RCAN1: variants seen among roughly 807,000 people sequenced by gnomAD.
RCAN1 encodes regulator of calcineurin 1.
Under a neutral mutation model 22.9 loss-of-function variants are expected in RCAN1, and 11 were observed. That is an observed-to-expected ratio of 0.48 (90% CI 0.30 to 0.79). The LOEUF is 0.79. Ranked by LOEUF, RCAN1 falls within the 30% of genes least tolerant of loss-of-function variation. RCAN1 has a pLI of 0.06. For missense variants in RCAN1, 291 were observed against 337.8 expected, an observed-to-expected ratio of 0.86 and a Z score of 1.09; for synonymous variants, 136 against 142.3, an observed-to-expected ratio of 0.96 and a Z score of 0.32.
chr21:34,521,199 C>T (rs1984496346), intron 3 of RCAN1: 8 of 1,377,070 alleles, frequency 5.8e-6, no homozygotes, highest in Non-Finnish European at 7.5e-6. Flanking sequence ...GGGCTCAGGC[C>T]TCCCACGCAG....
chr21:34,529,267 C>G (rs951021453), intron 1 of RCAN1, among the ~76,000 whole-genome samples: 5 of 152,152 alleles, frequency 3.3e-5, no homozygotes, highest in Non-Finnish European at 7.4e-5. Flanking sequence ...TAGGATCTGC[C>G]ACCTTGGTTT....
intron 1 of RCAN1, among the ~76,000 whole-genome samples, chr21:34,600,663 T>C (rs956625742): frequency 6.6e-6 from 1 of 152,212 alleles, no homozygotes; most frequent in African/African-American, 2.4e-5. Context: ...ATTTTTATGC[T>C]TTATAGTTCA....
intron 1 of RCAN1, among the ~76,000 whole-genome samples, chr21:34,556,035 C>T (rs1407550190): frequency 7.0e-6 from 1 of 141,888 alleles, no homozygotes; most frequent in Non-Finnish European, 1.5e-5. Flanking sequence ...TGCGCTCTAA[C>T]CTGGGCAACA....
chr21:34,602,367 G>A (rs567770018), intron 1 of RCAN1, among the ~76,000 whole-genome samples: 49 of 152,224 alleles, frequency 3.2e-4, no homozygotes, highest in South Asian at 2.3e-3. Flanking sequence ...CTCTATACCC[G>A]CACCCCATTT....
chr21:34,564,401 C>T (rs1439316599), intron 1 of RCAN1, among the ~76,000 whole-genome samples: 4 of 152,118 alleles, frequency 2.6e-5, no homozygotes. Flanking sequence ...CGGACACTGT[C>T]CCATAAGAAC....
chr21:34,553,441 T>C (rs189082382), intron 1 of RCAN1, among the ~76,000 whole-genome samples: 1 of 152,358 alleles, frequency 6.6e-6, no homozygotes, highest in Admixed American at 6.5e-5. Context: ...CACTTCCTGA[T>C]AGCACACAGC....
chr21:34,543,526 C>T (rs1986007699), intron 1 of RCAN1, among the ~76,000 whole-genome samples: 1 of 152,188 alleles, frequency 6.6e-6, no homozygotes, highest in Non-Finnish European at 1.5e-5. Flanking sequence ...ATCTCCAGAA[C>T]TGTACAGTCA....
intron 1 of RCAN1, among the ~76,000 whole-genome samples, chr21:34,576,726 C>T (rs914674638): frequency 3.3e-5 from 5 of 152,150 alleles, no homozygotes; most frequent in Non-Finnish European, 5.9e-5. Context: ...CTCTAATCAC[C>T]GCTCAGCAAG....
intron 1 of RCAN1, among the ~76,000 whole-genome samples, chr21:34,547,634 C>T (rs190406432): frequency 4.3e-4 from 65 of 152,266 alleles, no homozygotes; most frequent in Non-Finnish European, 5.0e-4. Flanking sequence ...GAGGAGGCCA[C>T]GAGGGCAGAG....
intron 1 of RCAN1, among the ~76,000 whole-genome samples, chr21:34,581,124 T>C (rs1331492596): frequency 6.6e-6 from 1 of 152,088 alleles, no homozygotes; most frequent in African/African-American, 2.4e-5. Context: ...CCACTGAAAA[T>C]GCCTTCTAGA....
At chr21:34,548,385 A>G (rs1212564005) in intron 1 of RCAN1, among the ~76,000 whole-genome samples, 4 of 152,192 alleles carry the variant, frequency 2.6e-5, no homozygotes, top group African/African-American at 4.8e-5. Context: ...TTGGCATATC[A>G]ATAATCAAAT....
intron 1 of RCAN1, among the ~76,000 whole-genome samples, chr21:34,589,086 T>C (rs1217509827): frequency 3.3e-5 from 5 of 152,228 alleles, no homozygotes; most frequent in Non-Finnish European, 2.9e-5. Flanking sequence ...GGAGATGTGC[T>C]ACACAACAAT....
intron 1 of RCAN1, among the ~76,000 whole-genome samples, chr21:34,552,026 G>A (rs927125111): frequency 5.9e-5 from 9 of 152,158 alleles, no homozygotes; most frequent in Non-Finnish European, 1.3e-4. Flanking sequence ...TAGGACTCAC[G>A]TGATGTCTCT....
chr21:34,577,811 C>A (rs187098512), intron 1 of RCAN1, among the ~76,000 whole-genome samples: 1 of 152,146 alleles, frequency 6.6e-6, no homozygotes, highest in East Asian at 1.9e-4. Context: ...ATCTATAAAA[C>A]CTTTGGCTAA....
At chr21:34,571,229 G>A (rs1442340662) in intron 1 of RCAN1, among the ~76,000 whole-genome samples, 1 of 152,152 alleles carries the variant, frequency 6.6e-6, no homozygotes, top group Non-Finnish European at 1.5e-5. Flanking sequence ...GGAGGCGGAG[G>A]TTGTGGTGAG....
rs2123743645 is a variant in RCAN1, at chr21:34,614,696, G to A, written c.252+64C>T. ...GCCGGGACTGGGCGCTGCGACCCGC[G>A]CCGCCTCCTCGGGCAACAAGTGTCC... On this transcript the variant is annotated intron_variant, in intron 1 of 3. Transcript: ENST00000313806. This position sits in a 1 kb window ranked among gnomAD's most constrained non-coding sequence, Gnocchi z 6.0. 4 of 1,310,964 alleles carry A rather than the reference G, an allele frequency of 3.1e-6. No individual in the cohort carries two copies. The highest frequency in any genetic ancestry group is 3.9e-6 in the Non-Finnish European group (4 of 1,026,836). The allele number at this position is 1,310,964 out of a possible 1,614,324, so 81.2% of individuals were successfully genotyped here. A position where few individuals can be genotyped will look rare whatever the true frequency, so the allele number is the denominator to read the frequency against.
At chr21:34,522,286 G>A (rs1984628320) in intron 2 of RCAN1, 1 of 152,150 alleles carries the variant, frequency 6.6e-6, no homozygotes, top group Non-Finnish European at 1.5e-5. Flanking sequence ...GCTGACCAGT[G>A]ATGAGAGGGC....
intron 1 of RCAN1, among the ~76,000 whole-genome samples, chr21:34,582,763 AG>A (rs1359178536): frequency 6.6e-6 from 1 of 152,206 alleles, no homozygotes; most frequent in Non-Finnish European, 1.5e-5. Context: ...GCAGAGCTCC[AG>A]AGTGACAAGA....
At chr21:34,595,043 C>G (rs1034911199) in intron 1 of RCAN1, among the ~76,000 whole-genome samples, 1 of 152,214 alleles carries the variant, frequency 6.6e-6, no homozygotes, top group South Asian at 2.1e-4. Flanking sequence ...AAAATGGGGA[C>G]AGTCATAGTA....
Sources: allele counts gnomAD v4.1 joint callset (sites outside exome capture counted in the v4.1 genomes callset), GRCh38; gene constraint gnomAD v4.1.1; non-coding constraint Gnocchi (gnomAD v3.1); transcripts MANE v1.5; gene names NCBI Gene and HGNC (gene_info 2026-07-23, HGNC 2026-07-21).